The following FRRS1 variants were observed in gnomAD, a reference collection of about 807,000 sequenced individuals.
The protein encoded by FRRS1 is ferric reductase 1.
FRRS1 carries 51 observed loss-of-function variants against 70.7 expected under a neutral mutation model. The observed-to-expected ratio is 0.72, with a 90% CI of 0.58 to 0.91. The LOEUF is 0.91. FRRS1 is among the 40% of genes least tolerant of loss of function. The probability of loss-of-function intolerance (pLI) is 0.00; values close to 1 mark genes in which losing one functional copy is unlikely to be tolerated. For synonymous variants in FRRS1, 225 were observed against 238.7 expected (o/e 0.94, Z 0.53); for missense variants, 672 against 726.0 (o/e 0.93, Z 0.86).
intron 9 of FRRS1, among the ~76,000 whole-genome samples, chr1:99,721,935 C>T (rs1282046298): frequency 6.6e-6 from 1 of 152,044 alleles, no homozygotes; most frequent in African/African-American, 2.4e-5. Flanking sequence ...TTCCATCCAA[C>T]ATCCAGACCG....
intron 4 of FRRS1, among the ~76,000 whole-genome samples, chr1:99,744,730 G>A (rs991752872): frequency 3.9e-5 from 6 of 151,928 alleles, no homozygotes; most frequent in Admixed American, 2.0e-4. Context: ...AGGCTGCGGT[G>A]AGCCAAGATC....
intron 1 of FRRS1, among the ~76,000 whole-genome samples, chr1:99,761,515 T>G (rs539383858): frequency 6.6e-6 from 1 of 152,208 alleles, no homozygotes; most frequent in Non-Finnish European, 1.5e-5. Context: ...TTTGGATCAC[T>G]CCATGTAGCC....
At chr1:99,728,461 C>T in intron 9 of FRRS1, 32 bp downstream of exon 9, 2 of 1,518,970 alleles carry the variant, frequency 1.3e-6, no homozygotes, top group Non-Finnish European at 1.8e-6. Flanking sequence ...GAGAAAAAGA[C>T]ACTTGAAAAG....
Position 99,746,044 on chromosome 1 carries a change from A to G in FRRS1, c.333+1250T>C, listed in dbSNP as rs191075213. On this transcript the variant is annotated intron_variant, in intron 4 of 16. Coordinates refer to ENST00000646001, the MANE Select transcript of FRRS1 (RefSeq NM_001361041.2). Reference sequence around the variant, plus strand: ...TGCTTGTACAGCCTGCAGAACAGTGAGCCAATTAAGCCTCTTTCCTTGTTA... The same window carrying G: ...TGCTTGTACAGCCTGCAGAACAGTGGGCCAATTAAGCCTCTTTCCTTGTTA... Among the ~76,000 whole-genome samples the G allele has an allele frequency of 5.0e-3, 756 of 152,294 alleles. 8 individuals carry two copies. The highest frequency in any genetic ancestry group is 0.017 in the African/African-American group (714 of 41,556).
chr1:99,728,246 C>T (rs1655164550), intron 9 of FRRS1, among the ~76,000 whole-genome samples: 1 of 151,882 alleles, frequency 6.6e-6, no homozygotes, highest in Non-Finnish European at 1.5e-5. Context: ...TGGTCACATG[C>T]ATTTTACTAA....
intron 6 of FRRS1, among the ~76,000 whole-genome samples, chr1:99,739,992 C>T (rs1300156981): frequency 1.3e-5 from 2 of 152,010 alleles, no homozygotes; most frequent in Non-Finnish European, 2.9e-5. Flanking sequence ...TTCCAAGATA[C>T]GTCTTGTCAA....
intron 3 of FRRS1, 45 bp downstream of exon 3, chr1:99,748,528 A>G (rs1656401252): frequency 7.2e-7 from 1 of 1,395,036 alleles, no homozygotes; most frequent in Non-Finnish European, 1.0e-6. Flanking sequence ...ATAAACAGTA[A>G]AAGAGTGAAA....
chr1:99,741,086 T>G, intron 5 of FRRS1, 146 bp from the exon 6 acceptor site: 1 of 709,158 alleles, frequency 1.4e-6, no homozygotes, highest in Non-Finnish European at 2.3e-6. Flanking sequence ...CTGAGGCAAA[T>G]CTCTAACCAC....
chr1:99,755,263 TA>T (rs35535608), intron 1 of FRRS1, among the ~76,000 whole-genome samples: 72 of 146,386 alleles, frequency 4.9e-4, no homozygotes, highest in Non-Finnish European at 3.9e-4. Flanking sequence ...TCCAAAAATT[TA>T]AAAAAAAAAA....
intron 7 of FRRS1, among the ~76,000 whole-genome samples, chr1:99,732,888 G>A (rs1655466991): frequency 6.6e-6 from 1 of 150,728 alleles, no homozygotes; most frequent in Admixed American, 6.6e-5. Context: ...CTGTCACCTA[G>A]GCTGGAATGC....
At chr1:99,754,532 A>C (rs887000326) in intron 1 of FRRS1, among the ~76,000 whole-genome samples, 3 of 152,090 alleles carry the variant, frequency 2.0e-5, no homozygotes, top group Admixed American at 2.0e-4. Context: ...AGAGAAATGC[A>C]CAGATCCAGA....
intron 10 of FRRS1, among the ~76,000 whole-genome samples, chr1:99,718,753 T>C (rs1470597769): frequency 6.6e-6 from 1 of 152,188 alleles, no homozygotes; most frequent in African/African-American, 2.4e-5. Context: ...CATTGATCAA[T>C]GCAACAATAA....
chr1:99,722,479 A>G (rs1195820032), intron 9 of FRRS1, among the ~76,000 whole-genome samples: 1 of 152,198 alleles, frequency 6.6e-6, no homozygotes, highest in African/African-American at 2.4e-5. Context: ...AAGCTTAAAG[A>G]AAATATTAGT....
rs183300804 is a variant in FRRS1, at chr1:99,718,428, A to T, written c.1121-903T>A. 3.0e-4 allele frequency among the ~76,000 whole-genome samples: 45 copies of T among 152,264 alleles called. No individual in the cohort carries two copies. The East Asian group carries it at 4.1e-3, about 14-fold the overall frequency. The stretch of plus-strand genomic sequence containing the variant: ...TCTGCAACCTCCACCTTCTGGGTTC[A>T]AGAAATTCTCCTGCCTCAGCCTCCC... On this transcript the variant is annotated intron_variant, in intron 10 of 16. Coordinates refer to ENST00000646001, the MANE Select transcript of FRRS1 (RefSeq NM_001361041.2).
At chr1:99,733,049 T>C (rs1005892850) in intron 7 of FRRS1, among the ~76,000 whole-genome samples, 2 of 151,898 alleles carry the variant, frequency 1.3e-5, no homozygotes, top group African/African-American at 4.8e-5. Context: ...GGTCTCGCCA[T>C]GTGTTCCCAG....
chr1:99,720,251 A>G (rs758194938), intron 9 of FRRS1, among the ~76,000 whole-genome samples: 15 of 152,214 alleles, frequency 9.9e-5, no homozygotes, highest in Non-Finnish European at 2.1e-4. Flanking sequence ...GTACAAAATT[A>G]AATCAGTGAA....
chr1:99,765,614 T>C (rs1657317276), intron 1 of FRRS1: 1 of 130,374 alleles, frequency 7.7e-6, no homozygotes, highest in Non-Finnish European at 1.6e-5. Flanking sequence ...AAATAATAAA[T>C]AAATAGGCCA....
chr1:99,737,889 C>A (rs1330782336), intron 7 of FRRS1, among the ~76,000 whole-genome samples, 197 bp downstream of exon 7: 1 of 152,164 alleles, frequency 6.6e-6, no homozygotes, highest in Non-Finnish European at 1.5e-5. Flanking sequence ...ATTACAAGCG[C>A]CCGCCACGAC....
At chr1:99,737,892 G>A (rs887641873) in intron 7 of FRRS1, among the ~76,000 whole-genome samples, 194 bp downstream of exon 7, 10 of 152,048 alleles carry the variant, frequency 6.6e-5, no homozygotes, top group South Asian at 2.1e-4. Context: ...ACAAGCGCCC[G>A]CCACGACGCT....
Sources: gnomAD v4.1 joint callset for allele counts (sites outside exome capture counted in the v4.1 genomes callset) on GRCh38, gnomAD v4.1.1 for gene constraint, MANE v1.5 for transcripts, NCBI Gene and HGNC (gene_info 2026-07-23, HGNC 2026-07-21) for gene names.